Variants in AKR1B1 observed in about 807,000 individuals in gnomAD.
AKR1B1 encodes the protein aldo-keto reductase family 1 member B.
In AKR1B1, 22 loss-of-function variants were observed where a neutral mutation model predicts 40.4. The observed-to-expected ratio is 0.54, with a 90% CI of 0.39 to 0.78. The LOEUF (loss-of-function observed/expected upper bound fraction) is 0.78. AKR1B1 is among the 30% of genes least tolerant of loss of function. The probability of loss-of-function intolerance (pLI) is 0.00; values close to 1 mark genes in which losing one functional copy is unlikely to be tolerated. For synonymous variants in AKR1B1, 157 were observed against 149.9 expected (o/e 1.05, Z -0.35); for missense variants, 357 against 396.7 (o/e 0.90, Z 0.85).
At chr7:134,448,145 G>C (rs368532838) in intron 6 of AKR1B1, 84 bp from the exon 7 acceptor site, 43 of 1,180,562 alleles carry the variant, frequency 3.6e-5, no homozygotes, top group African/African-American at 3.6e-4. Flanking sequence ...TCCTCCCATC[G>C]ACCTCAGAGG....
At chr7:134,455,926 T>C (rs1304965911) in intron 1 of AKR1B1, among the ~76,000 whole-genome samples, 3 of 152,178 alleles carry the variant, frequency 2.0e-5, no homozygotes, top group African/African-American at 4.8e-5. Flanking sequence ...CCAAGCCACA[T>C]GGGTCTGGGG....
At position 134,442,749 on chromosome 7, in the gene AKR1B1, G is replaced by A; in HGVS notation, c.930C>T (p.Tyr310=). The A allele has an allele frequency of 6.2e-7, 1 of 1,614,134 alleles. No homozygotes were observed. Residue 310 remains tyrosine (Y), a synonymous_variant, in exon 10 of 10, where the codon TAC becomes TAT. Coordinates refer to ENST00000285930, the MANE Select transcript of AKR1B1 (RefSeq NM_001628.4). ...AGCTTCAAAACTCTTCATGGAAGGG[G>A]TAATCCTTGTGGGAGGTACAGCTGT... ...ALLSCTSHKD[Y]PFHEEF
intron 8 of AKR1B1, among the ~76,000 whole-genome samples, chr7:134,445,801 T>A (rs977199538): frequency 6.6e-6 from 1 of 152,122 alleles, no homozygotes. Flanking sequence ...GAAGAGGAGA[T>A]GGTATTTGAC....
At chr7:134,449,834 C>T in intron 3 of AKR1B1, 37 bp from the exon 4 acceptor site, 1 of 1,550,066 alleles carries the variant, frequency 6.5e-7, no homozygotes, top group Non-Finnish European at 8.9e-7. Context: ...ACAAAACAAT[C>T]AGTAATAGTC....
intron 1 of AKR1B1, among the ~76,000 whole-genome samples, chr7:134,452,318 C>A (rs1806313591): frequency 6.6e-6 from 1 of 152,146 alleles, no homozygotes; most frequent in Admixed American, 6.5e-5. Context: ...TATTCAAAGG[C>A]CCATGTGTCA....
At chr7:134,458,857 C>G in intron 1 of AKR1B1, 140 bp downstream of exon 1, 1 of 980,414 alleles carries the variant, frequency 1.0e-6, no homozygotes, top group Non-Finnish European at 1.5e-6. Flanking sequence ...CGCTGGGGAC[C>G]CTGCAAGCCC....
intron 2 of AKR1B1, 119 bp downstream of exon 2, chr7:134,451,467 G>A (rs1708432): frequency 8.5e-6 from 11 of 1,293,948 alleles, no homozygotes; most frequent in Non-Finnish European, 4.5e-6. Flanking sequence ...ACGTTTCCCC[G>A]GGAAGAATCG....
intron 1 of AKR1B1, among the ~76,000 whole-genome samples, chr7:134,455,685 G>A (rs1806446633): frequency 6.6e-6 from 1 of 152,082 alleles, no homozygotes; most frequent in African/African-American, 2.4e-5. Context: ...CTGGATTCAA[G>A]TGATTCTCCT....
intron 3 of AKR1B1, 115 bp downstream of exon 3, chr7:134,450,671 C>T (rs1806255163): frequency 1.2e-6 from 1 of 837,820 alleles, no homozygotes; most frequent in South Asian, 1.3e-5. Flanking sequence ...ACTGGCTATA[C>T]CTTGAGCAGC....
In AKR1B1 at chr7:134,447,864, CT is replaced by C; in HGVS notation, c.741+115del. 6 of 935,390 alleles carry C rather than the reference CT, an allele frequency of 6.4e-6. No individual in the cohort carries two copies. The East Asian group carries it at 1.3e-4, about 20-fold the overall frequency. 57.9% of individuals were successfully genotyped at this position (935,390 alleles called of 1,614,324 possible). A position where few individuals can be genotyped will look rare whatever the true frequency, so the allele number is the denominator to read the frequency against. ...CTTTCCACTCTGTACTTGAGGACCCCTAACCATACTTCCTGTGAGGGTGTAA... is the reference window on the plus strand; with the variant it reads ...CTTTCCACTCTGTACTTGAGGACCCCAACCATACTTCCTGTGAGGGTGTAA... On this transcript the variant is annotated intron_variant, in intron 7 of 9. Transcript: ENST00000285930.
At chr7:134,447,260 C>A in intron 8 of AKR1B1, 38 bp downstream of exon 8, 1 of 1,553,260 alleles carries the variant, frequency 6.4e-7, no homozygotes, top group Non-Finnish European at 8.9e-7. Context: ...TCCCCCACTC[C>A]ATGGAGGAGG....
At chr7:134,445,472 A>G in intron 8 of AKR1B1, 152 bp from the exon 9 acceptor site, 1 of 719,846 alleles carries the variant, frequency 1.4e-6, no homozygotes, top group Admixed American at 2.1e-5. Context: ...AGTATTCAGG[A>G]AATGTGCATG....
At chr7:134,447,540 G>A (rs1303969461) in intron 7 of AKR1B1, 159 bp from the exon 8 acceptor site, 2 of 712,484 alleles carry the variant, frequency 2.8e-6, no homozygotes, top group Admixed American at 4.0e-5. Flanking sequence ...CAACAGGTAG[G>A]CGACGCATTC....
chr7:134,451,318 A>G, intron 2 of AKR1B1: 1 of 563,042 alleles, frequency 1.8e-6, no homozygotes, highest in Non-Finnish European at 3.2e-6. Flanking sequence ...CTTGAAAGCG[A>G]CTCCCTGGAA....
intron 4 of AKR1B1, 50 bp from the exon 5 acceptor site, chr7:134,449,169 G>C (rs780206121): frequency 9.3e-6 from 15 of 1,610,302 alleles, no homozygotes; most frequent in Non-Finnish European, 1.3e-5. Flanking sequence ...AGAAAGGACA[G>C]GATCAGAAGT....
intron 2 of AKR1B1, 119 bp from the exon 3 acceptor site, chr7:134,451,021 G>T: frequency 1.2e-6 from 1 of 816,950 alleles, no homozygotes; most frequent in South Asian, 1.4e-5. Context: ...GCTGTGAATG[G>T]TTGTGAGGGC....
chr7:134,443,876 G>A (rs1388426987), intron 9 of AKR1B1, among the ~76,000 whole-genome samples: 3 of 152,108 alleles, frequency 2.0e-5, no homozygotes, highest in Non-Finnish European at 1.5e-5. Flanking sequence ...TGTGTGTGTA[G>A]TTAGCGAAAA....
chr7:134,449,306 G>A (rs1229999827), intron 4 of AKR1B1, 187 bp from the exon 5 acceptor site: 25 of 810,516 alleles, frequency 3.1e-5, no homozygotes, highest in Non-Finnish European at 5.1e-5. Context: ...GAGCAAACAG[G>A]CCGGGCGCGG....
intron 1 of AKR1B1, among the ~76,000 whole-genome samples, chr7:134,458,319 C>T (rs1806533178): frequency 6.6e-6 from 1 of 152,122 alleles, no homozygotes; most frequent in African/African-American, 2.4e-5. Context: ...CAACTAGCTA[C>T]GGGGTGCCCA....
Sources: gnomAD v4.1 joint callset for allele counts (sites outside exome capture counted in the v4.1 genomes callset) on GRCh38, gnomAD v4.1.1 for gene constraint, MANE v1.5 for transcripts, NCBI Gene and HGNC (gene_info 2026-07-23, HGNC 2026-07-21) for gene names.